GRB10: variants seen among roughly 807,000 people sequenced by gnomAD.
GRB10 encodes growth factor receptor-bound protein 10.
Under a neutral mutation model 80.9 loss-of-function variants are expected in GRB10, and 20 were observed. That is an observed-to-expected ratio of 0.25 (90% confidence interval 0.17 to 0.36). The LOEUF (loss-of-function observed/expected upper bound fraction) is 0.36, where lower values mean the gene tolerates loss of function less well. Among genes scored for constraint, GRB10 ranks in the 10% least tolerant of loss-of-function variants. The pLI is 1.00. For missense variants in GRB10, 548 were observed against 747.7 expected (o/e 0.73, Z 3.12); for synonymous variants, 291 against 291.5 (o/e 1.00, Z 0.02).
chr7:50,722,581 G>T (rs1461285955), intron 4 of GRB10, among the ~76,000 whole-genome samples: 1 of 152,176 alleles, frequency 6.6e-6, no homozygotes, highest in African/African-American at 2.4e-5. Context: ...TCAAGAAAGG[G>T]GAGTCCAGGG....
At position 50,602,031 on chromosome 7, in the gene GRB10, A is replaced by C. The variant is rs188788821; in HGVS notation, c.1544+1967T>G. Among the ~76,000 whole-genome samples, 3 of 146,634 alleles carry C rather than the reference A, an allele frequency of 2.0e-5. No homozygotes were observed. In the East Asian group the frequency reaches 6.1e-4, roughly 30 times the overall value. ...GAAATAAATCAAACACAAAAATCTA[A>C]GTTCACAGTGACAGTTTAAACAAAA... On this transcript the variant is annotated intron_variant, in intron 17 of 18. Transcript: ENST00000401949.
intron 1 of GRB10, among the ~76,000 whole-genome samples, chr7:50,781,675 T>C (rs2078294395): frequency 6.6e-6 from 1 of 152,216 alleles, no homozygotes. Context: ...GCAGGGACTG[T>C]ACCATCAACA....
At chr7:50,772,785 C>T (rs984734975) in intron 2 of GRB10, among the ~76,000 whole-genome samples, 5 of 152,156 alleles carry the variant, frequency 3.3e-5, no homozygotes, top group South Asian at 4.1e-4. Flanking sequence ...AATTTTTGTG[C>T]GTCATAGGAC....
At chr7:50,774,622 T>A (rs775901840) in intron 2 of GRB10, among the ~76,000 whole-genome samples, 1 of 152,146 alleles carries the variant, frequency 6.6e-6, no homozygotes, top group African/African-American at 2.4e-5. Flanking sequence ...TACCTCTTAA[T>A]AGAGTTGCGT....
At chr7:50,770,112 GCTGCC>G (rs1461070146) in intron 2 of GRB10, among the ~76,000 whole-genome samples, 2 of 152,180 alleles carry the variant, frequency 1.3e-5, no homozygotes, top group Non-Finnish European at 2.9e-5. Context: ...CTCAAATGCT[GCTGCC>G]CTGCCTGGTC....
intron 5 of GRB10, among the ~76,000 whole-genome samples, chr7:50,695,303 A>G (rs1331060606): frequency 6.6e-6 from 1 of 152,218 alleles, no homozygotes; most frequent in African/African-American, 2.4e-5. Context: ...CACATTACTG[A>G]TAGCAAAACA....
chr7:50,692,627 G>C (rs935541918), intron 5 of GRB10, among the ~76,000 whole-genome samples: 1 of 152,128 alleles, frequency 6.6e-6, no homozygotes, highest in African/African-American at 2.4e-5. Context: ...AATTGCATGT[G>C]AGTTCAGGAA....
chr7:50,613,618 G>A (rs2049982348), intron 12 of GRB10, among the ~76,000 whole-genome samples: 1 of 152,158 alleles, frequency 6.6e-6, no homozygotes. Context: ...ACTACCCTGC[G>A]CTCGGCTGGT....
intron 10 of GRB10, among the ~76,000 whole-genome samples, chr7:50,616,804 C>A (rs1053076275): frequency 6.6e-6 from 1 of 152,226 alleles, no homozygotes; most frequent in Non-Finnish European, 1.5e-5. Flanking sequence ...TGGTGATGTC[C>A]CCCTGTTCCA....
chr7:50,740,734 A>G (rs1198245516), intron 3 of GRB10, among the ~76,000 whole-genome samples: 1 of 152,148 alleles, frequency 6.6e-6, no homozygotes, highest in Non-Finnish European at 1.5e-5. Flanking sequence ...TTCATTCGAA[A>G]CCCAAACAAT....
At chr7:50,708,744 C>A (rs1199559698) in intron 4 of GRB10, among the ~76,000 whole-genome samples, 1 of 143,038 alleles carries the variant, frequency 7.0e-6, no homozygotes, top group Non-Finnish European at 1.5e-5. Flanking sequence ...GGCGTGATCT[C>A]GGCTCACTGC....
chr7:50,605,559 C>T (rs1332920401), intron 14 of GRB10, among the ~76,000 whole-genome samples, 153 bp from the exon 15 acceptor site: 4 of 152,180 alleles, frequency 2.6e-5, no homozygotes, highest in African/African-American at 7.2e-5. Context: ...GGAAATTCAC[C>T]GGTTCAGGCT....
intron 3 of GRB10, among the ~76,000 whole-genome samples, chr7:50,742,262 C>CGT (rs1491172515): frequency 3.2e-4 from 4 of 12,384 alleles, no homozygotes; most frequent in African/African-American, 2.2e-3. Context: ...CACACGCGCA[C>CGT]GCGCGCGCGC....
intron 7 of GRB10, among the ~76,000 whole-genome samples, chr7:50,646,881 G>A (rs1016354786): frequency 5.9e-5 from 9 of 152,026 alleles, no homozygotes; most frequent in African/African-American, 1.9e-4. Context: ...CTGCTGCTAC[G>A]GGCACCAATC....
At chr7:50,615,117 T>C (rs2050341711) in intron 11 of GRB10, among the ~76,000 whole-genome samples, 1 of 152,174 alleles carries the variant, frequency 6.6e-6, no homozygotes, top group African/African-American at 2.4e-5. Context: ...TGTTGGAACG[T>C]ATTTGATACT....
intron 7 of GRB10, among the ~76,000 whole-genome samples, chr7:50,628,970 A>T (rs2053507891): frequency 6.6e-6 from 1 of 152,214 alleles, no homozygotes; most frequent in Non-Finnish European, 1.5e-5. Context: ...ATTAAAATGC[A>T]TTAACATAAA....
At chr7:50,696,637 G>A (rs1167104837) in intron 5 of GRB10, among the ~76,000 whole-genome samples, 1 of 152,182 alleles carries the variant, frequency 6.6e-6, no homozygotes, top group Non-Finnish European at 1.5e-5. Context: ...GGTTCCTGGT[G>A]AGAGGCATGG....
At chr7:50,658,162 T>C (rs1391466673) in intron 7 of GRB10, among the ~76,000 whole-genome samples, 1 of 152,196 alleles carries the variant, frequency 6.6e-6, no homozygotes, top group Non-Finnish European at 1.5e-5. Context: ...GAAAAGTCCC[T>C]CCGTGGCTGC....
chr7:50,616,380 T>A, intron 10 of GRB10, 33 bp from the exon 11 acceptor site: 1 of 1,590,016 alleles, frequency 6.3e-7, no homozygotes, highest in African/African-American at 1.3e-5. Context: ...AATCACATAA[T>A]GCTAATCTAA....
Sources: allele counts gnomAD v4.1 joint callset (sites outside exome capture counted in the v4.1 genomes callset), GRCh38; gene constraint gnomAD v4.1.1; transcripts MANE v1.5; gene names NCBI Gene and HGNC (gene_info 2026-07-23, HGNC 2026-07-21).